PON1: variants seen among roughly 807,000 people sequenced by gnomAD.
The protein encoded by PON1 is paraoxonase 1, also known as serum paraoxonase/arylesterase 1.
Under a neutral mutation model 39.2 loss-of-function variants are expected in PON1, and 37 were observed. That is an observed-to-expected ratio of 0.94 (90% confidence interval 0.73 to 1.24). The LOEUF is 1.24. Ranked by LOEUF, PON1 falls within the 50% of genes most tolerant of loss-of-function variation. PON1 has a pLI of 0.00. For synonymous variants in PON1, 148 were observed against 152.2 expected, an observed-to-expected ratio of 0.97 and a Z score of 0.21; for missense variants, 397 against 413.5, an observed-to-expected ratio of 0.96 and a Z score of 0.35.
At position 95,298,365 on chromosome 7, in the gene PON1, A is replaced by G. The variant is rs854551; in HGVS notation, c.*579T>C. ...CAAGAGTACAAGGGGAGTTGGAATA[A>G]TTCAGGTTAATATTTACTGAGAAAA... On this transcript the variant is annotated 3_prime_UTR_variant, in exon 9 of 9. Transcript: ENST00000222381. The G allele has an allele frequency of 0.8, 128,492 of 160,400 alleles. 51,658 individuals carry two copies. Among genetic ancestry groups the G allele is most frequent in the East Asian group, 0.91 (5,378 of 5,932 alleles). 9.9% of individuals were successfully genotyped at this position (160,400 alleles called of 1,614,324 possible).
At chr7:95,320,828 G>A (rs1302644663) in intron 1 of PON1, among the ~76,000 whole-genome samples, 1 of 152,232 alleles carries the variant, frequency 6.6e-6, no homozygotes, top group Non-Finnish European at 1.5e-5. Context: ...AAGGGTCAAT[G>A]TCTGAGATAT....
intron 7 of PON1, 58 bp from the exon 8 acceptor site, chr7:95,302,391 G>T: frequency 6.6e-7 from 1 of 1,506,002 alleles, no homozygotes; most frequent in South Asian, 1.1e-5. Flanking sequence ...AATTGTGATG[G>T]AGCAAAATAT....
intron 4 of PON1, among the ~76,000 whole-genome samples, chr7:95,312,075 T>A (rs555460203): frequency 3.9e-5 from 6 of 152,200 alleles, no homozygotes; most frequent in Non-Finnish European, 8.8e-5. Flanking sequence ...AGGTGACCAG[T>A]CTAAGCGGTC....
rs1807539097 is a variant in PON1, at chr7:95,306,291, T to C, written c.774A>G (p.Pro258=). The C allele has an allele frequency of 3.1e-6, 5 of 1,605,280 alleles. No homozygotes were observed. Among genetic ancestry groups the C allele is most frequent in the Non-Finnish European group, 4.3e-6 (5 of 1,172,126 alleles). Residue 258 remains proline, a synonymous_variant, in exon 7 of 9, where the codon CCA becomes CCG. Transcript: ENST00000222381. ...YEKHANWTLT[P]LKSLDFNTLV... Reference sequence around the variant, plus strand: ...CAGTGTTAATACGTCTTACCTTCAATGGAGTTAAAGTCCAATTAGCATGCT... The same window carrying C: ...CAGTGTTAATACGTCTTACCTTCAACGGAGTTAAAGTCCAATTAGCATGCT...
intron 7 of PON1, among the ~76,000 whole-genome samples, chr7:95,305,838 A>C (rs1040545487): frequency 1.3e-5 from 2 of 152,144 alleles, no homozygotes; most frequent in African/African-American, 4.8e-5. Context: ...AGCCATCGTG[A>C]GCACGTGGAC....
chr7:95,310,251 AC>A (rs1807625778), intron 5 of PON1, among the ~76,000 whole-genome samples: 1 of 152,170 alleles, frequency 6.6e-6, no homozygotes, highest in Admixed American at 6.5e-5. Context: ...TATTTGTAAA[AC>A]ATCAATAAAA....
chr7:95,319,452 G>A (rs1807849004), intron 1 of PON1, among the ~76,000 whole-genome samples: 1 of 152,162 alleles, frequency 6.6e-6, no homozygotes. Flanking sequence ...TCTGACGTAA[G>A]AGGCAAGGAG....
intron 3 of PON1, 51 bp from the exon 4 acceptor site, chr7:95,315,541 G>C: frequency 6.4e-7 from 1 of 1,568,396 alleles, no homozygotes. Context: ...TACTTCAAAT[G>C]CTAATAGAGG....
intron 7 of PON1, 148 bp from the exon 8 acceptor site, chr7:95,302,481 C>T (rs549369025): frequency 4.9e-5 from 34 of 694,286 alleles, no homozygotes; most frequent in South Asian, 3.8e-4. Flanking sequence ...TTCAATAAGA[C>T]TCACAAAATT....
chr7:95,317,785 G>A (rs973209403), intron 2 of PON1, among the ~76,000 whole-genome samples: 3 of 152,102 alleles, frequency 2.0e-5, no homozygotes, highest in African/African-American at 7.2e-5. Flanking sequence ...TTGGAGGCTT[G>A]ATAATTACTT....
At chr7:95,316,481 T>G (rs1297508706) in intron 3 of PON1, among the ~76,000 whole-genome samples, 1 of 152,138 alleles carries the variant, frequency 6.6e-6, no homozygotes, top group African/African-American at 2.4e-5. Context: ...TACACTGAAC[T>G]CACAAAAAAA....
chr7:95,317,960 C>G (rs997416723), intron 2 of PON1, among the ~76,000 whole-genome samples: 1 of 152,002 alleles, frequency 6.6e-6, no homozygotes, highest in East Asian at 1.9e-4. Flanking sequence ...CCTGTCAGAG[C>G]CTTTCTAAAA....
At chr7:95,302,105 A>AAAAAAAAAC (rs1783753467) in intron 8 of PON1, 100 bp downstream of exon 8, 1 of 761,160 alleles carries the variant, frequency 1.3e-6, no homozygotes, top group Non-Finnish European at 1.9e-6. Context: ...ACAAAAAAAA[A>AAAAAAAAAC]AAAAAAAAAA....
At chr7:95,305,355 A>G (rs560881614) in intron 7 of PON1, among the ~76,000 whole-genome samples, 1 of 152,232 alleles carries the variant, frequency 6.6e-6, no homozygotes, top group South Asian at 2.1e-4. Flanking sequence ...CAACCTTCAG[A>G]TGACCAGAAT....
intron 4 of PON1, among the ~76,000 whole-genome samples, chr7:95,314,021 G>A (rs1161186152): frequency 6.6e-6 from 1 of 152,104 alleles, no homozygotes; most frequent in Non-Finnish European, 1.5e-5. Context: ...CAGTATCAGG[G>A]AAGAGCAAGT....
At position 95,315,367 on chromosome 7, in the gene PON1, C is replaced by T. The variant is rs61736513; in HGVS notation, c.325G>A (p.Val109Ile). The part of the protein sequence containing the change: ...ELGITGSKFD[V>I]SSFNPHGIST... ...ATCCCATGAGGGTTAAATGAAGATA[C>T]ATCAAATTTACTTCCAGTGATCCCC... The change falls in exon 4 of 9, where the codon GTA (valine) becomes ATA (isoleucine). Residue 109 changes from valine to isoleucine, a missense_variant. Physicochemically the swap from Val to Ile is conservative, Grantham distance 29. Coordinates refer to ENST00000222381, the MANE Select transcript of PON1 (RefSeq NM_000446.7). 960 of 1,613,532 alleles carry T rather than the reference C, an allele frequency of 5.9e-4. 9 individuals carry two copies. In the African/African-American group the frequency reaches 0.011, roughly 18 times the overall value.
At chr7:95,299,660 C>T (rs368897732) in intron 8 of PON1, among the ~76,000 whole-genome samples, 87 of 152,174 alleles carry the variant, frequency 5.7e-4, no homozygotes, top group African/African-American at 2.0e-3. Flanking sequence ...CTACATCTTT[C>T]TCCCATGCTG....
intron 8 of PON1, among the ~76,000 whole-genome samples, chr7:95,301,532 A>G (rs1033899156): frequency 6.6e-6 from 1 of 152,018 alleles, no homozygotes; most frequent in Non-Finnish European, 1.5e-5. Context: ...CTCTCCACCC[A>G]CCACCGTCTA....
Position 95,317,936 on chromosome 7 carries a change from G to A in PON1, c.145+387C>T, listed in dbSNP as rs3917496. Among the ~76,000 whole-genome samples the A allele has an allele frequency of 1.9e-3, 286 of 152,162 alleles. 1 individual carries two copies. The highest frequency in any genetic ancestry group is 6.4e-3 in the African/African-American group (267 of 41,504). On this transcript the variant is annotated intron_variant, in intron 2 of 8. Transcript: ENST00000222381. ...AGAGATGCATAAGGAGAAGCCTTGT[G>A]GTAATTGCAAAGTCCTGTCAGAGCC...
Sources: allele counts gnomAD v4.1 joint callset (sites outside exome capture counted in the v4.1 genomes callset), GRCh38; gene constraint gnomAD v4.1.1; transcripts MANE v1.5; gene names NCBI Gene and HGNC (gene_info 2026-07-23, HGNC 2026-07-21).